Variants in RRAS2 observed in about 807,000 individuals in gnomAD.
RRAS2 encodes ras-related protein R-Ras2.
In RRAS2, 7 loss-of-function variants were observed where a neutral mutation model predicts 27.6. That is an observed-to-expected ratio of 0.25 (90% CI 0.14 to 0.48). RRAS2 has a LOEUF of 0.48. RRAS2 is among the 20% of genes least tolerant of loss of function. RRAS2 has a pLI of 0.99. For synonymous variants in RRAS2, 86 were observed against 90.9 expected (o/e 0.95, Z 0.31); for missense variants, 178 against 256.2 (o/e 0.69, Z 2.08).
At chr11:14,324,310 C>CA (rs1251609956) in intron 1 of RRAS2, among the ~76,000 whole-genome samples, 88 of 148,858 alleles carry the variant, frequency 5.9e-4, no homozygotes, top group African/African-American at 2.1e-3. Flanking sequence ...AAGCTTAAGT[C>CA]AAATAAAAGA....
At chr11:14,359,219 C>A, upstream of RRAS2, 1 of 337,842 alleles carries the variant, frequency 3.0e-6, no homozygotes, top group Non-Finnish European at 4.1e-6. Flanking sequence ...GCTGCATATG[C>A]ATGAGGGGGC....
At chr11:14,353,594 C>CAA (rs79109765) in intron 1 of RRAS2, among the ~76,000 whole-genome samples, 12 of 121,670 alleles carry the variant, frequency 9.9e-5, no homozygotes, top group Non-Finnish European at 1.4e-4. Flanking sequence ...AACTTCGTCT[C>CAA]AAAAAAAAAA....
chr11:14,289,439 G>C (rs1849751521), intron 4 of RRAS2, among the ~76,000 whole-genome samples: 1 of 152,080 alleles, frequency 6.6e-6, no homozygotes, highest in Admixed American at 6.5e-5. Context: ...AACATACTGT[G>C]CTATTTAATT....
At chr11:14,332,508 A>G (rs576642319) in intron 1 of RRAS2, among the ~76,000 whole-genome samples, 1 of 152,298 alleles carries the variant, frequency 6.6e-6, no homozygotes, top group African/African-American at 2.4e-5. Flanking sequence ...TCTCAAAAAT[A>G]GTAATAATAA....
chr11:14,322,596 A>C (rs1554950439), intron 1 of RRAS2, among the ~76,000 whole-genome samples: 1 of 152,230 alleles, frequency 6.6e-6, no homozygotes, highest in Non-Finnish European at 1.5e-5. Context: ...TTATTTACCT[A>C]AGAAAACCTT....
At chr11:14,342,205 T>C (rs1848726609) in intron 1 of RRAS2, 1 of 165,874 alleles carries the variant, frequency 6.0e-6, no homozygotes, top group Non-Finnish European at 1.3e-5. Context: ...ATCACTCTTT[T>C]CAGCTCCCCT....
chr11:14,339,499 T>A (rs1358332918), intron 1 of RRAS2, among the ~76,000 whole-genome samples: 1 of 152,198 alleles, frequency 6.6e-6, no homozygotes, highest in Non-Finnish European at 1.5e-5. Context: ...ATTAAATTTG[T>A]TGTAATTTTG....
intron 1 of RRAS2, among the ~76,000 whole-genome samples, chr11:14,332,649 G>C (rs1012258925): frequency 6.6e-6 from 1 of 152,108 alleles, no homozygotes; most frequent in African/African-American, 2.4e-5. Context: ...TCTAGAAACA[G>C]GCAAAACTGA....
At chr11:14,336,493 G>GA (rs57265973) in intron 1 of RRAS2, among the ~76,000 whole-genome samples, 8 of 151,590 alleles carry the variant, frequency 5.3e-5, no homozygotes, top group African/African-American at 7.3e-5. Flanking sequence ...TGAAACAAAT[G>GA]AAAAAAAAGT....
intron 1 of RRAS2, among the ~76,000 whole-genome samples, chr11:14,303,335 T>A (rs1554947654): frequency 6.6e-6 from 1 of 152,226 alleles, no homozygotes; most frequent in Non-Finnish European, 1.5e-5. Context: ...ACTCAATGGG[T>A]ATAAGCATAA....
chr11:14,318,373 C>T (rs1237873532), intron 1 of RRAS2, among the ~76,000 whole-genome samples: 1 of 152,094 alleles, frequency 6.6e-6, no homozygotes, highest in East Asian at 1.9e-4. Context: ...CGTAGTTGCG[C>T]ATGCCTGTAG....
chr11:14,350,745 T>C (rs1159483507), intron 1 of RRAS2, among the ~76,000 whole-genome samples: 1 of 152,090 alleles, frequency 6.6e-6, no homozygotes, highest in Non-Finnish European at 1.5e-5. Context: ...AGAAATTTTA[T>C]GAATTTGTCT....
chr11:14,339,595 A>G (rs1378250004), intron 1 of RRAS2, among the ~76,000 whole-genome samples: 1 of 152,196 alleles, frequency 6.6e-6, no homozygotes, highest in South Asian at 2.1e-4. Context: ...CAGACGTCAG[A>G]TATTTTCATG....
chr11:14,313,270 C>A (rs1490520849), intron 1 of RRAS2, among the ~76,000 whole-genome samples: 4 of 152,204 alleles, frequency 2.6e-5, no homozygotes, highest in Non-Finnish European at 5.9e-5. Flanking sequence ...TGTATGTGCT[C>A]AGCCTAATTC....
At chr11:14,330,624 G>A (rs191622395) in intron 1 of RRAS2, among the ~76,000 whole-genome samples, 1 of 152,096 alleles carries the variant, frequency 6.6e-6, no homozygotes, top group Admixed American at 6.5e-5. Context: ...TGAAAAAGCA[G>A]AGGCATTATG....
chr11:14,341,704 A>G (rs1323367857), intron 1 of RRAS2: 8 of 329,182 alleles, frequency 2.4e-5, no homozygotes, highest in African/African-American at 1.7e-4. Flanking sequence ...AACAGCTAAA[A>G]ATTTCCATTT....
chr11:14,318,975 A>C (rs1848168961), intron 1 of RRAS2, among the ~76,000 whole-genome samples: 2 of 152,314 alleles, frequency 1.3e-5, no homozygotes, highest in Middle Eastern at 6.8e-3. Flanking sequence ...CTCACAGTCC[A>C]TGAAGTAGGT....
chr11:14,291,210 C>T (rs899787063), intron 4 of RRAS2, among the ~76,000 whole-genome samples: 2 of 152,062 alleles, frequency 1.3e-5, no homozygotes, highest in Non-Finnish European at 2.9e-5. Context: ...GAAAGTGTTA[C>T]AGGTTGAAGA....
chr11:14,335,515 CAG>C (rs1315343038), intron 1 of RRAS2, among the ~76,000 whole-genome samples: 5 of 152,096 alleles, frequency 3.3e-5, no homozygotes, highest in African/African-American at 1.2e-4. Flanking sequence ...TTTGAGCTAG[CAG>C]AGAAGTAAAA....
Sources: gnomAD v4.1 joint callset for allele counts (sites outside exome capture counted in the v4.1 genomes callset) on GRCh38, gnomAD v4.1.1 for gene constraint, MANE v1.5 for transcripts, NCBI Gene and HGNC (gene_info 2026-07-23, HGNC 2026-07-21) for gene names.